GULP1: variants seen among roughly 807,000 people sequenced by gnomAD.
The protein encoded by GULP1 is GULP PTB domain containing engulfment adaptor 1, also known as PTB domain-containing engulfment adapter protein 1.
A neutral mutation model predicts 40.9 loss-of-function variants in GULP1; 19 were observed. The observed-to-expected ratio is 0.46, with a 90% CI of 0.32 to 0.68. The LOEUF (loss-of-function observed/expected upper bound fraction) is 0.68. Ranked by LOEUF, GULP1 falls within the 30% of genes least tolerant of loss-of-function variation. The pLI is 0.03. For synonymous variants in GULP1, 119 were observed against 117.6 expected (o/e 1.01, Z -0.08); for missense variants, 312 against 362.2 (o/e 0.86, Z 1.12).
intron 7 of GULP1, among the ~76,000 whole-genome samples, chr2:188,559,463 C>T (rs1695681875): frequency 6.6e-6 from 1 of 152,182 alleles, no homozygotes; most frequent in Admixed American, 6.5e-5. Context: ...AGAACCTCTG[C>T]TAGGGCAGTG....
chr2:188,442,338 A>G (rs1314453994), intron 2 of GULP1, among the ~76,000 whole-genome samples: 1 of 152,186 alleles, frequency 6.6e-6, no homozygotes, highest in Non-Finnish European at 1.5e-5. Context: ...ATGAATCTTC[A>G]GGTCGTATAC....
At chr2:188,356,018 A>G (rs182766637) in intron 1 of GULP1, among the ~76,000 whole-genome samples, 1 of 152,140 alleles carries the variant, frequency 6.6e-6, no homozygotes, top group African/African-American at 2.4e-5. Flanking sequence ...CAAATTATGT[A>G]TAGGAGGAAC....
At chr2:188,385,116 C>T (rs1328907487) in intron 2 of GULP1, among the ~76,000 whole-genome samples, 1 of 152,210 alleles carries the variant, frequency 6.6e-6, no homozygotes, top group Non-Finnish European at 1.5e-5. Context: ...CCCACATTTG[C>T]CTTCCACACT....
intron 2 of GULP1, among the ~76,000 whole-genome samples, chr2:188,399,267 G>T (rs550979330): frequency 6.6e-6 from 1 of 152,320 alleles, no homozygotes; most frequent in East Asian, 1.9e-4. Context: ...AGATCAGGAA[G>T]TGGAGAGAAA....
chr2:188,445,866 G>A (rs538448140), intron 2 of GULP1, among the ~76,000 whole-genome samples: 1 of 152,294 alleles, frequency 6.6e-6, no homozygotes, highest in Admixed American at 6.5e-5. Flanking sequence ...GTTGGGGAAA[G>A]GTAGTAAACC....
intron 2 of GULP1, among the ~76,000 whole-genome samples, chr2:188,384,790 G>C (rs990068981): frequency 6.6e-6 from 1 of 152,284 alleles, no homozygotes; most frequent in South Asian, 2.1e-4. Context: ...GCCCCACGCT[G>C]TTCCAAAATC....
At chr2:188,430,150 T>A (rs529259564) in intron 2 of GULP1, among the ~76,000 whole-genome samples, 1 of 152,326 alleles carries the variant, frequency 6.6e-6, no homozygotes, top group East Asian at 1.9e-4. Flanking sequence ...CTCAAAACAT[T>A]TGATTAAAAC....
chr2:188,512,527 C>G (rs2064693929), intron 4 of GULP1, among the ~76,000 whole-genome samples: 1 of 151,918 alleles, frequency 6.6e-6, no homozygotes, highest in African/African-American at 2.4e-5. Context: ...GACTTCGTAA[C>G]TCTTTAGCTA....
At chr2:188,295,111 A>G (rs191844926) in intron 1 of GULP1, among the ~76,000 whole-genome samples, 1 of 152,344 alleles carries the variant, frequency 6.6e-6, no homozygotes, top group Admixed American at 6.5e-5. Context: ...TTTATACACA[A>G]GACCAGTTAT....
chr2:188,354,117 C>A (rs1304880625), intron 1 of GULP1, among the ~76,000 whole-genome samples: 2 of 152,068 alleles, frequency 1.3e-5, no homozygotes, highest in Non-Finnish European at 2.9e-5. Flanking sequence ...CTCCCCAGGG[C>A]CCAAGCAATA....
intron 2 of GULP1, among the ~76,000 whole-genome samples, chr2:188,388,195 T>A (rs1268281819): frequency 2.6e-5 from 4 of 152,040 alleles, no homozygotes; most frequent in Admixed American, 6.6e-5. Flanking sequence ...TCCATGTCCC[T>A]ACAAAGCCAC....
chr2:188,404,521 G>T (rs2052773835), intron 2 of GULP1, among the ~76,000 whole-genome samples: 1 of 152,258 alleles, frequency 6.6e-6, no homozygotes, highest in African/African-American at 2.4e-5. Flanking sequence ...AAAACCCAGT[G>T]TTGGGCAGGT....
At chr2:188,377,039 G>T (rs1171678837) in intron 1 of GULP1, among the ~76,000 whole-genome samples, 1 of 152,088 alleles carries the variant, frequency 6.6e-6, no homozygotes, top group Non-Finnish European at 1.5e-5. Flanking sequence ...GGGCGTGGTG[G>T]CACATGCCTG....
chr2:188,477,827 C>A, intron 3 of GULP1, 97 bp downstream of exon 3: 2 of 871,552 alleles, frequency 2.3e-6, no homozygotes, highest in Non-Finnish European at 3.7e-6. Flanking sequence ...GTTGTCAAAC[C>A]ACCTGGCCCA....
At chr2:188,414,561 T>C (rs2054335870) in intron 2 of GULP1, among the ~76,000 whole-genome samples, 1 of 152,310 alleles carries the variant, frequency 6.6e-6, no homozygotes, top group Non-Finnish European at 1.5e-5. Flanking sequence ...ATTTGAAATA[T>C]AAGATGCTTG....
At chr2:188,436,755 G>T (rs1267249359) in intron 2 of GULP1, among the ~76,000 whole-genome samples, 1 of 151,964 alleles carries the variant, frequency 6.6e-6, no homozygotes, top group African/African-American at 2.4e-5. Flanking sequence ...TATGTGTTCT[G>T]TAAGAATATA....
chr2:188,381,719 A>C (rs2049027142), intron 1 of GULP1, among the ~76,000 whole-genome samples: 1 of 152,318 alleles, frequency 6.6e-6, no homozygotes, highest in Admixed American at 6.5e-5. Context: ...TAAGACCAAC[A>C]AACAAGAAAA....
chr2:188,445,979 A>G (rs943271394), intron 2 of GULP1, among the ~76,000 whole-genome samples: 16 of 152,150 alleles, frequency 1.1e-4, no homozygotes, highest in African/African-American at 3.9e-4. Context: ...AGATTTACAT[A>G]TGGTAGACAC....
intron 4 of GULP1, among the ~76,000 whole-genome samples, chr2:188,496,936 C>T (rs1164718914): frequency 6.6e-6 from 1 of 151,966 alleles, no homozygotes; most frequent in Non-Finnish European, 1.5e-5. Context: ...GATGTTCCTG[C>T]TTCCCTTTCG....
Sources: gnomAD v4.1 joint callset for allele counts (sites outside exome capture counted in the v4.1 genomes callset) on GRCh38, gnomAD v4.1.1 for gene constraint, MANE v1.5 for transcripts, NCBI Gene and HGNC (gene_info 2026-07-23, HGNC 2026-07-21) for gene names.